Variants in EYS observed in about 807,000 individuals in gnomAD.
EYS encodes the protein protein eyes shut homolog.
In EYS, 250 loss-of-function variants were observed where a neutral mutation model predicts 282.1. The observed-to-expected ratio is 0.89, with a 90% CI of 0.80 to 0.98. The LOEUF is 0.98. EYS is among the 50% of genes least tolerant of loss of function. The pLI, the probability that EYS is intolerant of heterozygous loss-of-function variation, is 0.00. For synonymous variants in EYS, 1,355 were observed against 1,282.9 expected (o/e 1.06, Z -1.20); for missense variants, 4,016 against 3,709.0 (o/e 1.08, Z -2.15).
chr6:65,375,191 G>A (rs993553550), intron 8 of EYS, among the ~76,000 whole-genome samples: 5 of 152,184 alleles, frequency 3.3e-5, no homozygotes, highest in African/African-American at 1.2e-4. Flanking sequence ...GGAGGGAACA[G>A]GCAGCAATCT....
intron 42 of EYS, among the ~76,000 whole-genome samples, chr6:63,725,844 T>C (rs868795936): frequency 6.6e-6 from 1 of 152,154 alleles, no homozygotes; most frequent in Non-Finnish European, 1.5e-5. Context: ...TTGTTTCTCA[T>C]TTTCTGAGAG....
At chr6:64,210,143 A>C (rs114437198) in intron 31 of EYS, among the ~76,000 whole-genome samples, 25 of 152,282 alleles carry the variant, frequency 1.6e-4, no homozygotes, top group African/African-American at 6.0e-4. Flanking sequence ...TCCTTTCTGA[A>C]TAAGCTAATT....
chr6:65,003,676 C>T (rs1771540770), intron 13 of EYS, among the ~76,000 whole-genome samples: 1 of 147,186 alleles, frequency 6.8e-6, no homozygotes, highest in Non-Finnish European at 1.5e-5. Flanking sequence ...TAAAATTTCT[C>T]TCTTTTGTAC....
In EYS at chr6:64,081,954, A is replaced by G. The variant is rs777735735; in HGVS notation, c.6473T>C (p.Leu2158Pro). The G allele has an allele frequency of 4.7e-5, 72 of 1,544,886 alleles. No individual in the cohort carries two copies. Among genetic ancestry groups the G allele is most frequent in the African/African-American group, 9.6e-5 (7 of 72,890 alleles). ...CTCCAGGACAAACTTCAAAAAGGGC[A>G]GTTCTAAATAGGAATTCCCATTGAA... ...PSFNGNSYLE[L>P]PFLKFVLEKE... Residue 2158 changes from leucine to proline, a missense_variant, in exon 32 of 43, where the codon CTG (leucine) becomes CCG (proline). Physicochemically the swap from Leu to Pro is moderately conservative, Grantham distance 98 (BLOSUM62 -3). Transcript: ENST00000503581.
intron 14 of EYS, among the ~76,000 whole-genome samples, chr6:64,987,009 T>C (rs1275249539): frequency 3.3e-5 from 5 of 151,488 alleles, no homozygotes; most frequent in African/African-American, 1.2e-4. Flanking sequence ...TAATTGATAC[T>C]GTTTGGGAGA....
At chr6:63,957,678 C>A (rs942569845) in intron 35 of EYS, among the ~76,000 whole-genome samples, 2 of 140,170 alleles carry the variant, frequency 1.4e-5, no homozygotes, top group Non-Finnish European at 3.2e-5. Context: ...AAAGAAAAAT[C>A]CTGTTTGGAT....
intron 29 of EYS, among the ~76,000 whole-genome samples, chr6:64,333,518 C>A (rs1407936095): frequency 6.6e-6 from 1 of 152,136 alleles, no homozygotes; most frequent in South Asian, 2.1e-4. Flanking sequence ...GGAAGGGTTG[C>A]TCTGTTTGCC....
At chr6:63,892,132 A>G (rs1374224655) in intron 35 of EYS, among the ~76,000 whole-genome samples, 2 of 152,230 alleles carry the variant, frequency 1.3e-5, no homozygotes, top group Admixed American at 1.3e-4. Flanking sequence ...AATAATCAAT[A>G]TTGTGAAAAT....
intron 30 of EYS, among the ~76,000 whole-genome samples, chr6:64,297,178 C>T (rs1455868369): frequency 1.3e-5 from 2 of 152,150 alleles, no homozygotes; most frequent in African/African-American, 4.8e-5. Context: ...TCACTGATTA[C>T]TGCTTCTGAT....
At chr6:64,320,246 T>A (rs1770162997) in intron 29 of EYS, among the ~76,000 whole-genome samples, 1 of 151,948 alleles carries the variant, frequency 6.6e-6, no homozygotes, top group Non-Finnish European at 1.5e-5. Flanking sequence ...ATCTGGACAA[T>A]TTTGTTATTA....
intron 33 of EYS, among the ~76,000 whole-genome samples, chr6:64,004,576 G>A (rs909458013): frequency 6.6e-6 from 1 of 152,022 alleles, no homozygotes. Flanking sequence ...GCATAGTACT[G>A]TTAGGTAGTC....
At chr6:64,445,025 G>A (rs939320249) in intron 26 of EYS, among the ~76,000 whole-genome samples, 12 of 152,104 alleles carry the variant, frequency 7.9e-5, no homozygotes, top group Non-Finnish European at 1.8e-4. Context: ...AAATTACCCA[G>A]CCTCAGGTAT....
intron 41 of EYS, among the ~76,000 whole-genome samples, chr6:63,727,154 AT>A (rs56938467): frequency 3.9e-4 from 58 of 148,526 alleles, no homozygotes; most frequent in South Asian, 4.3e-4. Context: ...TAATATATTG[AT>A]TTTTTTTTTT....
At position 64,591,951 on chromosome 6, in the gene EYS, G is replaced by T; in HGVS notation, c.3916C>A (p.Pro1306Thr). The change falls in exon 26 of 43, where the codon CCA becomes ACA. Residue 1306 changes from proline to threonine, a missense_variant. By Grantham distance (38) the Pro-to-Thr change is conservative. Transcript: ENST00000503581. ...CTTAATGTTGCCAAACCAGTGGTTG[G>T]GAGAATGTCGTGCTTGACAATGCCT... ...QTGIVKHDIL[P>T]TTGLATLRIS... is the part of the protein sequence containing the mutation. The T allele has an allele frequency of 6.6e-7, 1 of 1,520,454 alleles. No homozygotes were observed. The highest frequency in any genetic ancestry group is 8.9e-7 in the Non-Finnish European group (1 of 1,129,754). 94.2% of individuals were successfully genotyped at this position (1,520,454 alleles called of 1,614,324 possible). A position where few individuals can be genotyped will look rare whatever the true frequency, so the allele number is the denominator to read the frequency against.
chr6:65,349,147 T>C (rs13220874), intron 9 of EYS, among the ~76,000 whole-genome samples: 12 of 151,686 alleles, frequency 7.9e-5, no homozygotes, highest in Admixed American at 1.3e-4. Context: ...TTATATGTTA[T>C]ATATTTTTTC....
At chr6:65,593,489 A>G (rs1284977817) in intron 2 of EYS, among the ~76,000 whole-genome samples, 1 of 152,028 alleles carries the variant, frequency 6.6e-6, no homozygotes, top group African/African-American at 2.4e-5. Context: ...AATAGTAAAT[A>G]CATGAAAGCT....
intron 26 of EYS, among the ~76,000 whole-genome samples, chr6:64,554,731 C>T (rs76817548): frequency 6.6e-6 from 1 of 151,854 alleles, no homozygotes; most frequent in Admixed American, 6.6e-5. Flanking sequence ...TCTGAATAGA[C>T]ATTTCTCAAA....
intron 41 of EYS, among the ~76,000 whole-genome samples, chr6:63,735,493 TCACACACACA>T (rs56885891): frequency 1.4e-5 from 2 of 147,954 alleles, no homozygotes; most frequent in East Asian, 3.9e-4. Context: ...TCTGTCTCTG[TCACACACACA>T]CACACACACA....
chr6:64,719,616 C>G (rs185962451), intron 22 of EYS, among the ~76,000 whole-genome samples: 3 of 149,518 alleles, frequency 2.0e-5, no homozygotes, highest in Admixed American at 1.3e-4. Flanking sequence ...TTGGGCCAGT[C>G]TTTCTTTATA....
Sources: allele counts gnomAD v4.1 joint callset (sites outside exome capture counted in the v4.1 genomes callset), GRCh38; gene constraint gnomAD v4.1.1; transcripts MANE v1.5; gene names NCBI Gene and HGNC (gene_info 2026-07-23, HGNC 2026-07-21).